FBXO42: variants seen among roughly 807,000 people sequenced by gnomAD.
The protein encoded by FBXO42 is F-box protein 42.
FBXO42 carries 12 observed loss-of-function variants against 71.7 expected under a neutral mutation model. That is an observed-to-expected ratio of 0.17 (90% CI 0.11 to 0.27). The LOEUF is 0.27. Among genes scored for constraint, FBXO42 ranks in the 10% least tolerant of loss-of-function variants. The pLI is 1.00. For synonymous variants in FBXO42, 325 were observed against 327.5 expected, an observed-to-expected ratio of 0.99 and a Z score of 0.08; for missense variants, 707 against 911.9, an observed-to-expected ratio of 0.78 and a Z score of 2.89.
chr1:16,308,151 A>AT (rs201927676), intron 2 of FBXO42, among the ~76,000 whole-genome samples: 4,040 of 151,614 alleles, frequency 0.027, 181 homozygotes, highest in African/African-American at 0.09. Flanking sequence ...CAGTCCATTC[A>AT]TTTTTTTTTA....
chr1:16,301,428 T>A (rs542606406), intron 3 of FBXO42, among the ~76,000 whole-genome samples: 1 of 152,020 alleles, frequency 6.6e-6, no homozygotes, highest in Admixed American at 6.6e-5. Context: ...TTTGGGAGGC[T>A]GAGATGGGCA....
intron 4 of FBXO42, among the ~76,000 whole-genome samples, chr1:16,291,789 A>G (rs1455416350): frequency 6.6e-6 from 1 of 152,094 alleles, no homozygotes; most frequent in Non-Finnish European, 1.5e-5. Context: ...CTCCCACCTC[A>G]ACCTCTCAAG....
intron 2 of FBXO42, among the ~76,000 whole-genome samples, chr1:16,306,540 A>G (rs529212729): frequency 6.6e-6 from 1 of 152,298 alleles, no homozygotes; most frequent in South Asian, 2.1e-4. Flanking sequence ...ACTCCAAAGC[A>G]AAGGTGTTGG....
At chr1:16,298,954 T>C (rs954440907) in intron 3 of FBXO42, among the ~76,000 whole-genome samples, 6 of 152,158 alleles carry the variant, frequency 3.9e-5, no homozygotes, top group Non-Finnish European at 7.4e-5. Context: ...GCTGCTTCCT[T>C]AGTGTAGCAA....
chr1:16,290,341 A>G (rs941370743), intron 4 of FBXO42, among the ~76,000 whole-genome samples: 2 of 152,194 alleles, frequency 1.3e-5, no homozygotes, highest in African/African-American at 4.8e-5. Context: ...CCTTTGGAAG[A>G]CAATGAGGTT....
At chr1:16,344,508 T>C (rs1305054730) in intron 1 of FBXO42, among the ~76,000 whole-genome samples, 2 of 41,544 alleles carry the variant, frequency 4.8e-5, no homozygotes, top group Non-Finnish European at 1.2e-4. Flanking sequence ...TTTTTTTTTG[T>C]ATTTTTTAGT....
intron 3 of FBXO42, among the ~76,000 whole-genome samples, chr1:16,301,380 A>C (rs1297662495): frequency 1.3e-5 from 2 of 152,116 alleles, no homozygotes; most frequent in Non-Finnish European, 2.9e-5. Flanking sequence ...CAGTACAAGA[A>C]GGCTGGGTGC....
At chr1:16,274,827 T>G (rs2081882983) in intron 4 of FBXO42, among the ~76,000 whole-genome samples, 1 of 151,764 alleles carries the variant, frequency 6.6e-6, no homozygotes, top group Non-Finnish European at 1.5e-5. Flanking sequence ...CCTGATCTCG[T>G]AATCTGCCCG....
chr1:16,297,297 C>T (rs980979303), intron 3 of FBXO42, among the ~76,000 whole-genome samples: 2 of 151,976 alleles, frequency 1.3e-5, no homozygotes, highest in Non-Finnish European at 2.9e-5. Flanking sequence ...ACCCCTGGGA[C>T]TCTCTACGGT....
intron 1 of FBXO42, among the ~76,000 whole-genome samples, chr1:16,332,804 G>A (rs1451784213): frequency 6.6e-6 from 1 of 152,152 alleles, no homozygotes; most frequent in African/African-American, 2.4e-5. Context: ...GCCTCCCAAA[G>A]TGCTGGGATT....
At chr1:16,298,182 C>T (rs997513411) in intron 3 of FBXO42, among the ~76,000 whole-genome samples, 6 of 152,060 alleles carry the variant, frequency 3.9e-5, no homozygotes, top group African/African-American at 1.4e-4. Flanking sequence ...GCTGAGATTG[C>T]GCCACTGCAC....
chr1:16,260,007 A>G (rs1288172662), intron 4 of FBXO42, among the ~76,000 whole-genome samples: 1 of 152,128 alleles, frequency 6.6e-6, no homozygotes, highest in Non-Finnish European at 1.5e-5. Flanking sequence ...AGAAAGTTCT[A>G]TTTAATAGCG....
At chr1:16,289,675 AAAC>A (rs1265293364) in intron 4 of FBXO42, among the ~76,000 whole-genome samples, 4 of 152,146 alleles carry the variant, frequency 2.6e-5, no homozygotes, top group East Asian at 1.9e-4. Flanking sequence ...AAAAACAAAC[AAAC>A]AACAACAACA....
intron 1 of FBXO42, among the ~76,000 whole-genome samples, chr1:16,316,730 C>CAAAAAAAAAAA (rs71003274): frequency 1.6e-4 from 8 of 51,574 alleles, no homozygotes; most frequent in East Asian, 7.7e-4. Flanking sequence ...GAAAGACTCT[C>CAAAAAAAAAAA]AAAAAAAAAA....
At chr1:16,257,792 T>TGCCTTA (rs377510855) in intron 4 of FBXO42, among the ~76,000 whole-genome samples, 1,656 of 152,184 alleles carry the variant, frequency 0.011, 31 homozygotes, top group African/African-American at 0.037. Context: ...GTGATTTTCC[T>TGCCTTA]GCCTTAGCCT....
At position 16,250,965 on chromosome 1, in the gene FBXO42, C is replaced by T. The variant is rs747404514; in HGVS notation, c.1859G>A (p.Arg620His). The change falls in exon 10 of 10, where the codon CGC becomes CAC. Residue 620 changes from arginine (R) to histidine (H), a missense_variant. Arg to His is a conservative substitution (Grantham distance 29). Transcript: ENST00000375592. This position sits in a 1 kb window ranked among gnomAD's most constrained non-coding sequence, Gnocchi z 4.7. ...GGACTGTGGAGGGTGGTGGCCCAGG[C>T]GGCGAGCAATGGGAGGTAAGGAATG... ...DGHSLPPIARRLGHHPPQSLN... is the reference protein window; with the variant it reads ...DGHSLPPIARHLGHHPPQSLN... 8 of 1,614,022 alleles carry T rather than the reference C, an allele frequency of 5.0e-6. No homozygotes were observed. Among genetic ancestry groups the T allele is most frequent in the Middle Eastern group, 1.6e-4 (1 of 6,084 alleles).
intron 1 of FBXO42, among the ~76,000 whole-genome samples, chr1:16,333,226 G>A (rs974194121): frequency 1.3e-5 from 2 of 152,096 alleles, no homozygotes; most frequent in Non-Finnish European, 2.9e-5. Context: ...CCTACAAGAC[G>A]TAAGCCAACA....
intron 4 of FBXO42, among the ~76,000 whole-genome samples, chr1:16,288,974 A>G (rs1031177428): frequency 3.3e-5 from 5 of 151,610 alleles, no homozygotes; most frequent in Admixed American, 3.3e-4. Flanking sequence ...AAAAAAAAAA[A>G]GTTTTGTCAG....
intron 3 of FBXO42, among the ~76,000 whole-genome samples, chr1:16,300,526 CTCTTT>C (rs2082180332): frequency 6.6e-6 from 1 of 152,168 alleles, no homozygotes. Context: ...ACGTCAAATT[CTCTTT>C]TGTTTCTTCA....
Sources: gnomAD v4.1 joint callset for allele counts (sites outside exome capture counted in the v4.1 genomes callset) on GRCh38, gnomAD v4.1.1 for gene constraint, Gnocchi (gnomAD v3.1) non-coding constraint, MANE v1.5 for transcripts, NCBI Gene and HGNC (gene_info 2026-07-23, HGNC 2026-07-21) for gene names.